The following RAB38 variants were observed in gnomAD, a reference collection of about 807,000 sequenced individuals.
The protein encoded by RAB38 is ras-related protein Rab-38.
Under a neutral mutation model 18.4 loss-of-function variants are expected in RAB38, and 15 were observed. That is an observed-to-expected ratio of 0.82 (90% CI 0.55 to 1.26). RAB38 has a LOEUF of 1.26. RAB38 is among the 50% of genes most tolerant of loss of function. RAB38 has a pLI of 0.00. For missense variants in RAB38, 294 were observed against 267.4 expected (o/e 1.10, Z -0.69); for synonymous variants, 101 against 104.4 (o/e 0.97, Z 0.20).
At chr11:87,928,739 A>G in the RAB38 span, among the ~76,000 whole-genome samples, 1 of 152,112 alleles carries the variant, frequency 6.6e-6, no homozygotes, top group South Asian at 2.1e-4. Flanking sequence ...AGAATTGTAT[A>G]AACACTCAGT....
At chr11:87,936,782 T>C in the RAB38 span, among the ~76,000 whole-genome samples, 2 of 152,088 alleles carry the variant, frequency 1.3e-5, no homozygotes, top group Non-Finnish European at 2.9e-5. Context: ...CTGAAGTATA[T>C]ACTGTATGGG....
the RAB38 span, among the ~76,000 whole-genome samples, chr11:87,821,016 ATACATAT>A: frequency 6.6e-6 from 1 of 152,226 alleles, no homozygotes; most frequent in Admixed American, 6.5e-5. Context: ...ACAATCCAAC[ATACATAT>A]CATCAGGGTT....
At chr11:87,916,826 C>T in the RAB38 span, among the ~76,000 whole-genome samples, 1 of 152,098 alleles carries the variant, frequency 6.6e-6, no homozygotes, top group Admixed American at 6.6e-5. Context: ...CTTTTTTGAA[C>T]TGATGATAAA....
At chr11:88,164,256 C>CGGCA (rs1318397492) in intron 1 of RAB38, among the ~76,000 whole-genome samples, 1 of 109,064 alleles carries the variant, frequency 9.2e-6, no homozygotes, top group Non-Finnish European at 2.1e-5. Context: ...AAGGTGCTCT[C>CGGCA]GGTGGGGGGG....
chr11:87,846,523 T>TAA, the RAB38 span, among the ~76,000 whole-genome samples: 3 of 151,758 alleles, frequency 2.0e-5, no homozygotes, highest in Non-Finnish European at 4.4e-5. Context: ...ACAATAGAAA[T>TAA]AATTCATTAG....
the RAB38 span, among the ~76,000 whole-genome samples, chr11:87,936,450 G>C: frequency 6.6e-6 from 1 of 151,968 alleles, no homozygotes; most frequent in Non-Finnish European, 1.5e-5. Context: ...AATATCAGTT[G>C]GGTACATTTG....
chr11:88,158,821 G>A (rs960451730), intron 1 of RAB38, among the ~76,000 whole-genome samples: 1 of 152,044 alleles, frequency 6.6e-6, no homozygotes, highest in African/African-American at 2.4e-5. Context: ...ACACTAAAGA[G>A]GCAAAAAGTA....
downstream of RAB38, among the ~76,000 whole-genome samples, chr11:88,108,907 G>C (rs965089703): frequency 2.6e-5 from 4 of 152,070 alleles, no homozygotes; most frequent in African/African-American, 4.8e-5. Context: ...TCTTAGTTTG[G>C]CTGGAAATGA....
At chr11:87,910,988 A>G in the RAB38 span, among the ~76,000 whole-genome samples, 1 of 151,450 alleles carries the variant, frequency 6.6e-6, no homozygotes, top group Non-Finnish European at 1.5e-5. Context: ...TTGTTTTTTT[A>G]TTTTTTTGCA....
chr11:88,028,478 T>C, the RAB38 span, among the ~76,000 whole-genome samples: 4 of 152,068 alleles, frequency 2.6e-5, no homozygotes, highest in African/African-American at 9.7e-5. Flanking sequence ...TTGAAAACTT[T>C]GAAAAAAATT....
the RAB38 span, among the ~76,000 whole-genome samples, chr11:87,912,764 TTC>T: frequency 9.2e-4 from 132 of 143,984 alleles, 2 homozygotes; most frequent in African/African-American, 3.3e-3. Context: ...TTTTCTTTCT[TTC>T]TTTTTTTTTT....
the RAB38 span, among the ~76,000 whole-genome samples, chr11:87,907,883 TA>T: frequency 2.6e-5 from 4 of 151,850 alleles, no homozygotes; most frequent in Non-Finnish European, 4.4e-5. Context: ...AAATTTGCTA[TA>T]CTTATTTTTT....
the RAB38 span, among the ~76,000 whole-genome samples, chr11:87,858,955 A>AAAAT: frequency 6.6e-6 from 1 of 151,756 alleles, no homozygotes; most frequent in African/African-American, 2.4e-5. Flanking sequence ...GTAAAAAAAA[A>AAAAT]AAATAAGCAA....
At chr11:88,030,906 C>T in the RAB38 span, among the ~76,000 whole-genome samples, 65,971 of 150,708 alleles carry the variant, frequency 0.44, 16,325 homozygotes, top group Non-Finnish European at 0.56. Context: ...GATACCAAAG[C>T]GGGGCAGAGA....
At chr11:87,913,068 T>C in the RAB38 span, among the ~76,000 whole-genome samples, 1 of 152,004 alleles carries the variant, frequency 6.6e-6, no homozygotes, top group Non-Finnish European at 1.5e-5. Flanking sequence ...CCAGCTATCT[T>C]TCTATTACTG....
At chr11:88,099,561 A>C in the RAB38 span, among the ~76,000 whole-genome samples, 1 of 151,904 alleles carries the variant, frequency 6.6e-6, no homozygotes, top group African/African-American at 2.4e-5. Context: ...CCGAAATATA[A>C]GCATAGTTGA....
chr11:87,905,056 G>T, the RAB38 span, among the ~76,000 whole-genome samples: 2 of 151,510 alleles, frequency 1.3e-5, no homozygotes, highest in Non-Finnish European at 3.0e-5. Flanking sequence ...ACAGTTTATT[G>T]AGAGTCTCTT....
At chr11:88,037,470 AGT>A in the RAB38 span, among the ~76,000 whole-genome samples, 1 of 152,090 alleles carries the variant, frequency 6.6e-6, no homozygotes, top group South Asian at 2.1e-4. Context: ...ACCCATTCTA[AGT>A]GTACAGTTTG....
the RAB38 span, among the ~76,000 whole-genome samples, chr11:87,848,056 AT>A: frequency 6.6e-6 from 1 of 152,108 alleles, no homozygotes; most frequent in Non-Finnish European, 1.5e-5. Flanking sequence ...TTATTTCTAC[AT>A]TTTTTAAAAG....
Sources: allele counts gnomAD v4.1 joint callset (sites outside exome capture counted in the v4.1 genomes callset), GRCh38; gene constraint gnomAD v4.1.1; transcripts MANE v1.5; gene names NCBI Gene and HGNC (gene_info 2026-07-23, HGNC 2026-07-21).